Variants in ANKRD30A observed in about 807,000 individuals in gnomAD.
ANKRD30A encodes the protein ankyrin repeat domain-containing protein 30A.
In ANKRD30A, 170 loss-of-function variants were observed where a neutral mutation model predicts 166.3. That is an observed-to-expected ratio of 1.02 (90% confidence interval 0.90 to 1.16). The LOEUF (loss-of-function observed/expected upper bound fraction) is 1.16. Among genes scored for constraint, ANKRD30A ranks in the 50% most tolerant of loss-of-function variants. The pLI, the probability that ANKRD30A is intolerant of heterozygous loss-of-function variation, is 0.00. For missense variants in ANKRD30A, 1,630 were observed against 1,518.0 expected (o/e 1.07, Z -1.23); for synonymous variants, 564 against 508.9 (o/e 1.11, Z -1.46).
At chr10:37,217,674 G>C in intron 32 of ANKRD30A, 21 bp from the exon 33 acceptor site, 1 of 1,489,112 alleles carries the variant, frequency 6.7e-7, no homozygotes, top group South Asian at 1.4e-5. Flanking sequence ...TGAATTTTAA[G>C]ATAAGTATGT....
intron 9 of ANKRD30A, among the ~76,000 whole-genome samples, chr10:37,149,176 A>G (rs574146977): frequency 8.5e-5 from 13 of 152,134 alleles, no homozygotes; most frequent in African/African-American, 3.1e-4. Flanking sequence ...ATTTAGTATT[A>G]TGAACTAAGT....
At chr10:37,127,181 TTGGTAA>T (rs1280579340) in intron 1 of ANKRD30A, among the ~76,000 whole-genome samples, 5 of 151,558 alleles carry the variant, frequency 3.3e-5, no homozygotes, top group Non-Finnish European at 7.4e-5. Context: ...AATTTAGAAC[TTGGTAA>T]TGGTCACACT....
Position 37,152,091 on chromosome 10 carries a change from G to A in ANKRD30A, c.1677G>A (p.Lys559=). ...DPMFPPESKQ[K]DYEENSWDSE... is the part of the protein sequence containing the mutation. ...TGTTCCCACCAGAATCCAAACAAAA[G>A]GACTATGAAGAAAATTCTTGGGATT... Residue 559 remains lysine (K), a synonymous_variant, in exon 12 of 36, where the codon AAG becomes AAA. Coordinates refer to ENST00000361713, the MANE Select transcript of ANKRD30A (RefSeq NM_052997.3). The A allele has an allele frequency of 6.2e-7, 1 of 1,609,212 alleles. No homozygotes were observed.
At chr10:37,197,368 T>C in intron 28 of ANKRD30A, 40 bp from the exon 29 acceptor site, 8 of 1,612,810 alleles carry the variant, frequency 5.0e-6, no homozygotes, top group Non-Finnish European at 6.8e-6. Flanking sequence ...TTGTGAAGTA[T>C]ACATTCTTTA....
At chr10:37,225,542 G>T (rs1843107244) in intron 34 of ANKRD30A, among the ~76,000 whole-genome samples, 1 of 151,804 alleles carries the variant, frequency 6.6e-6, no homozygotes, top group African/African-American at 2.4e-5. Flanking sequence ...TTTTTAACTA[G>T]TTTGAGGACC....
chr10:37,224,384 T>A (rs1478959130), intron 34 of ANKRD30A, among the ~76,000 whole-genome samples: 3 of 151,258 alleles, frequency 2.0e-5, no homozygotes, highest in Non-Finnish European at 3.0e-5. Flanking sequence ...TATGGATATT[T>A]ACTTATTTTC....
chr10:37,219,929 A>ACTTCC, intron 34 of ANKRD30A, 32 bp downstream of exon 34: 1 of 1,399,022 alleles, frequency 7.1e-7, no homozygotes, highest in Non-Finnish European at 9.3e-7. Flanking sequence ...TACTTGTCAA[A>ACTTCC]CTTCCTGAAA....
At chr10:37,213,525 C>T (rs1355497821) in intron 31 of ANKRD30A, among the ~76,000 whole-genome samples, 1 of 150,386 alleles carries the variant, frequency 6.6e-6, no homozygotes, top group African/African-American at 2.4e-5. Context: ...CTTTCCTCTG[C>T]TTCCACTGAG....
intron 9 of ANKRD30A, among the ~76,000 whole-genome samples, chr10:37,147,788 A>G (rs1471055669): frequency 1.3e-5 from 2 of 151,846 alleles, no homozygotes; most frequent in African/African-American, 4.8e-5. Context: ...AACAAGAAGC[A>G]GGTTTATATA....
At chr10:37,224,313 A>C (rs945209799) in intron 34 of ANKRD30A, among the ~76,000 whole-genome samples, 2 of 151,032 alleles carry the variant, frequency 1.3e-5, no homozygotes, top group Non-Finnish European at 3.0e-5. Flanking sequence ...AACATCATCA[A>C]AAATTATCTT....
chr10:37,226,333 C>T (rs1222087682), intron 34 of ANKRD30A, among the ~76,000 whole-genome samples: 2 of 145,234 alleles, frequency 1.4e-5, no homozygotes, highest in African/African-American at 5.1e-5. Flanking sequence ...TGTTCAGTTC[C>T]CACCTATGAG....
downstream of ANKRD30A, among the ~76,000 whole-genome samples, chr10:37,234,882 G>GCCACATGGTGGAAAGTTGTT (rs1843606840): frequency 6.6e-6 from 1 of 152,032 alleles, no homozygotes; most frequent in Non-Finnish European, 1.5e-5. Flanking sequence ...GGAAAGTTGT[G>GCCACATGGTGGAAAGTTGTT]CCACATGGTG....
chr10:37,231,474 C>A lies in ANKRD30A; in HGVS notation c.*5C>A. 1 of 1,585,086 alleles carries A rather than the reference C, an allele frequency of 6.3e-7. No individual in the cohort carries two copies. Among genetic ancestry groups the A allele is most frequent in the South Asian group, 1.2e-5 (1 of 86,398 alleles). ...CAATCTTCACAGAACTCATGAGAGA[C>A]AAGCAGTAAGAAACTTCTTTTGGAG... On this transcript the variant is annotated 3_prime_UTR_variant, in exon 35 of 36. Coordinates refer to ENST00000361713, the MANE Select transcript of ANKRD30A (RefSeq NM_052997.3).
At position 37,158,596 on chromosome 10, in the gene ANKRD30A, G is replaced by T. The variant is rs1461556509; in HGVS notation, c.1900+10G>T. ...CAAACTTTCAAAGCAGGTAAATTTT[G>T]TAATTTTAATTTTACTCTGGAAAGG... On this transcript the variant is annotated intron_variant, in intron 15 of 35. Transcript: ENST00000361713. The T allele has an allele frequency of 6.2e-7, 1 of 1,611,554 alleles. No individual in the cohort carries two copies. The highest frequency in any genetic ancestry group is 2.2e-5 in the East Asian group (1 of 44,764).
chr10:37,251,920 C>T, the ANKRD30A span, among the ~76,000 whole-genome samples: 5 of 152,128 alleles, frequency 3.3e-5, no homozygotes, highest in African/African-American at 7.2e-5. Context: ...CAGCCATATG[C>T]GTACTCCCAT....
chr10:37,133,910 T>G lies in ANKRD30A; in HGVS notation c.618-6T>G, dbSNP rs1208307813. The G allele has an allele frequency of 1.2e-6, 2 of 1,613,372 alleles. No individual in the cohort carries two copies. Among genetic ancestry groups the G allele is most frequent in the South Asian group, 1.1e-5 (1 of 90,942 alleles). On this transcript the variant is annotated splice_polypyrimidine_tract_variant and splice_region_variant and intron_variant, in intron 4 of 35. Coordinates refer to ENST00000361713, the MANE Select transcript of ANKRD30A (RefSeq NM_052997.3). Reference sequence around the variant, plus strand: ...TAATAATGAAGTTATCTCTTTGTTATTTTAGCACAGCCCTCATGCTTGCTG... The same window carrying G: ...TAATAATGAAGTTATCTCTTTGTTAGTTTAGCACAGCCCTCATGCTTGCTG...
intron 33 of ANKRD30A, among the ~76,000 whole-genome samples, chr10:37,218,520 A>G (rs1842714895): frequency 6.6e-6 from 1 of 151,056 alleles, no homozygotes; most frequent in African/African-American, 2.4e-5. Flanking sequence ...TTTTAAAAAG[A>G]TAGAATATCT....
Position 37,197,153 on chromosome 10 carries a change from T to G in ANKRD30A, c.2615-128T>G, listed in dbSNP as rs1158308517. 8.2e-6 allele frequency: 11 copies of G among 1,345,486 alleles called. No individual in the cohort carries two copies. In the Admixed American group the frequency reaches 1.5e-4, roughly 19 times the overall value. The allele number at this position is 1,345,486 out of a possible 1,614,324, so 83.3% of individuals were successfully genotyped here. Reference sequence around the variant, plus strand: ...GTCCTAAACAAACCAAAAGAAAACTTTCCAAATCTAAAGTATTCATTCTCC... The same window carrying G: ...GTCCTAAACAAACCAAAAGAAAACTGTCCAAATCTAAAGTATTCATTCTCC... On this transcript the variant is annotated intron_variant, in intron 27 of 35. Coordinates refer to ENST00000361713, the MANE Select transcript of ANKRD30A (RefSeq NM_052997.3).
At chr10:37,258,389 C>G in the ANKRD30A span, among the ~76,000 whole-genome samples, 2 of 152,084 alleles carry the variant, frequency 1.3e-5, no homozygotes, top group Non-Finnish European at 2.9e-5. Flanking sequence ...ATGTTTCAAT[C>G]TTTATTACAA....
Sources: allele counts gnomAD v4.1 joint callset (sites outside exome capture counted in the v4.1 genomes callset), GRCh38; gene constraint gnomAD v4.1.1; transcripts MANE v1.5; gene names NCBI Gene and HGNC (gene_info 2026-07-23, HGNC 2026-07-21).